RUBCNL: variants seen among roughly 807,000 people sequenced by gnomAD.
RUBCNL encodes rubicon like autophagy enhancer, also known as protein associated with UVRAG as autophagy enhancer.
RUBCNL carries 62 observed loss-of-function variants against 69.5 expected under a neutral mutation model. That is an observed-to-expected ratio of 0.89 (90% CI 0.73 to 1.10). The LOEUF (loss-of-function observed/expected upper bound fraction) is 1.10, where lower values mean the gene tolerates loss of function less well. Among genes scored for constraint, RUBCNL ranks in the 50% least tolerant of loss-of-function variants. The probability of loss-of-function intolerance (pLI) is 0.00; values close to 1 mark genes in which losing one functional copy is unlikely to be tolerated. For synonymous variants in RUBCNL, 291 were observed against 303.6 expected (o/e 0.96, Z 0.43); for missense variants, 768 against 798.1 (o/e 0.96, Z 0.45).
chr13:46,369,587 CT>C (rs1354503013), intron 3 of RUBCNL, among the ~76,000 whole-genome samples: 1 of 152,226 alleles, frequency 6.6e-6, no homozygotes. Flanking sequence ...AGTTAGTCTT[CT>C]TCCAGTCAAA....
At chr13:46,388,159 G>A (rs1384199026), upstream of RUBCNL, among the ~76,000 whole-genome samples, 4 of 137,476 alleles carry the variant, frequency 2.9e-5, no homozygotes, top group Non-Finnish European at 4.6e-5. Context: ...AGCCGAGATC[G>A]CGCCATTGCA....
At chr13:46,388,225 A>AAC (rs1566097933), upstream of RUBCNL, among the ~76,000 whole-genome samples, 6 of 142,584 alleles carry the variant, frequency 4.2e-5, no homozygotes, top group East Asian at 2.1e-4. Flanking sequence ...AAAAAACAGA[A>AAC]AGGAGAAGAA....
In RUBCNL at chr13:46,335,243, TTGTTG is replaced by T. The variant is rs58614871; in HGVS notation, c.*8137_*8141del. 2.4e-3 allele frequency among the ~76,000 whole-genome samples: 294 copies of T among 123,282 alleles called. 9 individuals are homozygous for T. Among genetic ancestry groups the T allele is most frequent in the East Asian group, 0.011 (49 of 4,420 alleles). The allele number at this position is 123,282 out of a possible 152,430, so 80.9% of individuals were successfully genotyped here. ...TTGTGCCCAGCTAATTTGTGTCTTT[TTGTTG>T]TTGTTGTTGTTGTTTTTTTTTTTTT... On this transcript the variant is annotated 3_prime_UTR_variant, in exon 15 of 15. Transcript: ENST00000429979.
intron 2 of RUBCNL, among the ~76,000 whole-genome samples, chr13:46,375,521 ACT>A (rs775492397): frequency 3.3e-5 from 5 of 152,112 alleles, no homozygotes; most frequent in Non-Finnish European, 7.3e-5. Context: ...CGACAGCGAG[ACT>A]CTGTCTCAAA....
Position 46,359,640 on chromosome 13 carries a change from G to A in RUBCNL, c.1120-9C>T, listed in dbSNP as rs890622235. ...CACTCTTCATTTACGACCTGCATAAGACATAAAATGATTTAGGAACAACTT... is the reference window on the plus strand; with the variant it reads ...CACTCTTCATTTACGACCTGCATAAAACATAAAATGATTTAGGAACAACTT... On this transcript the variant is annotated splice_polypyrimidine_tract_variant and intron_variant, in intron 8 of 14. Transcript: ENST00000429979. 8.4e-6 allele frequency: 13 copies of A among 1,550,614 alleles called. No homozygotes were observed. Among genetic ancestry groups the A allele is most frequent in the Non-Finnish European group, 1.1e-5 (13 of 1,144,944 alleles).
At chr13:46,368,317 G>T in intron 4 of RUBCNL, 68 bp from the exon 5 acceptor site, 1 of 1,496,578 alleles carries the variant, frequency 6.7e-7, no homozygotes. Context: ...TATTAGATTT[G>T]AAAAATCAAT....
chr13:46,386,293 C>T (rs539492195), intron 1 of RUBCNL, among the ~76,000 whole-genome samples: 1 of 152,278 alleles, frequency 6.6e-6, no homozygotes, highest in Admixed American at 6.5e-5. Flanking sequence ...CTTTAAGAAA[C>T]TGGGTCTAAG....
At chr13:46,373,339 C>CAT (rs2048920273) in intron 2 of RUBCNL, among the ~76,000 whole-genome samples, 1 of 152,166 alleles carries the variant, frequency 6.6e-6, no homozygotes, top group Non-Finnish European at 1.5e-5. Context: ...CAAAGTGGTA[C>CAT]ATAAAACAGA....
chr13:46,344,642 A>G (rs1326067112), intron 14 of RUBCNL, 99 bp downstream of exon 14: 1 of 755,916 alleles, frequency 1.3e-6, no homozygotes, highest in African/African-American at 1.8e-5. Flanking sequence ...TAAATTATTA[A>G]GCTATTATTC....
chr13:46,343,297 A>G lies in RUBCNL; in HGVS notation c.*88T>C, dbSNP rs753351541. On this transcript the variant is annotated 3_prime_UTR_variant, in exon 15 of 15. Transcript: ENST00000429979. ...CTTTTTCCTTAATATACAATACCCA[A>G]TATCTAAAACAATGTCACCAATAAT... The G allele has an allele frequency of 1.3e-6, 2 of 1,547,884 alleles. No individual in the cohort carries two copies. Among genetic ancestry groups the G allele is most frequent in the Non-Finnish European group, 1.8e-6 (2 of 1,141,310 alleles).
At position 46,359,520 on chromosome 13, in the gene RUBCNL, AT is replaced by A. The variant is rs754235127; in HGVS notation, c.1230del (p.Arg410SerfsTer32). The A allele has an allele frequency of 6.3e-7, 1 of 1,598,896 alleles. No individual in the cohort carries two copies. The highest frequency in any genetic ancestry group is 8.5e-7 in the Non-Finnish European group (1 of 1,172,160). ...GGATGAATATTAAATATGATTTGAA[AT>A]CTAGGAGGAGCCCAGTCTTCAGTCC... ...IRGTEDWAPPRFQIIFNIHPP... is the reference protein window; with the variant it reads ...IRGTEDWAPPXFQIIFNIHPP... On this transcript the variant is annotated frameshift_variant, in exon 9 of 15. Transcript: ENST00000429979. LOFTEE classifies it high-confidence loss of function.
At chr13:46,373,584 C>A (rs1170288454) in intron 2 of RUBCNL, among the ~76,000 whole-genome samples, 2 of 152,230 alleles carry the variant, frequency 1.3e-5, no homozygotes, top group Admixed American at 1.3e-4. Flanking sequence ...ACTGTAATTA[C>A]AGGCTCGGGA....
intron 2 of RUBCNL, 137 bp from the exon 3 acceptor site, chr13:46,372,734 A>G: frequency 1.7e-6 from 1 of 596,116 alleles, no homozygotes; most frequent in East Asian, 3.5e-5. Context: ...GCCCGCTTGG[A>G]TTTATAAGTG....
chr13:46,349,249 T>C lies in RUBCNL; in HGVS notation c.1631+37A>G, dbSNP rs1383245671. The C allele has an allele frequency of 8.2e-6, 13 of 1,590,944 alleles. No individual in the cohort carries two copies. The East Asian group carries it at 2.0e-4, about 25-fold the overall frequency. On this transcript the variant is annotated intron_variant, in intron 12 of 14. Coordinates refer to ENST00000429979, the MANE Select transcript of RUBCNL (RefSeq NM_025113.5). The stretch of plus-strand genomic sequence containing the variant: ...GGCACTAATAGGATTAGCAGATGTA[T>C]GGAGGGAAGGCAGCCTGTCCCAGCT...
intron 8 of RUBCNL, 57 bp from the exon 9 acceptor site, chr13:46,359,688 A>G (rs1021897391): frequency 4.9e-6 from 7 of 1,414,694 alleles, no homozygotes; most frequent in African/African-American, 1.4e-5. Context: ...AAGAATTTAA[A>G]TTAAAGAAAC....
chr13:46,350,364 C>A lies in RUBCNL; in HGVS notation c.1331-13G>T. 6.6e-7 allele frequency: 1 copy of A among 1,519,808 alleles called. No individual in the cohort carries two copies. Among genetic ancestry groups the A allele is most frequent in the Non-Finnish European group, 8.9e-7 (1 of 1,125,822 alleles). The allele number at this position is 1,519,808 out of a possible 1,614,324, so 94.1% of individuals were successfully genotyped here. A position where few individuals can be genotyped will look rare whatever the true frequency, so the allele number is the denominator to read the frequency against. On this transcript the variant is annotated splice_polypyrimidine_tract_variant and intron_variant, in intron 10 of 14. Transcript: ENST00000429979. ...CGCTTCACAAACTCTGCCAAGCATACCGGAGGGTGAGTGCCACACCTGGTG... is the reference window on the plus strand; with the variant it reads ...CGCTTCACAAACTCTGCCAAGCATAACGGAGGGTGAGTGCCACACCTGGTG...
intron 1 of RUBCNL, among the ~76,000 whole-genome samples, chr13:46,383,972 C>G (rs999645944): frequency 6.6e-6 from 1 of 152,152 alleles, no homozygotes; most frequent in African/African-American, 2.4e-5. Flanking sequence ...ATCTTGTGGA[C>G]TCAAATATCT....
Position 46,342,740 on chromosome 13 carries a change from C to T in RUBCNL, c.*645G>A, listed in dbSNP as rs1171246404. 6.6e-6 allele frequency: 1 copy of T among 152,300 alleles called. No homozygotes were observed. The highest frequency in any genetic ancestry group is 1.5e-5 in the Non-Finnish European group (1 of 68,116). 9.4% of individuals were successfully genotyped at this position (152,300 alleles called of 1,614,324 possible). ...ACAAATACAGGTTCAATTTGTGCCA[C>T]CTGAAAGAGTGCCATCTAGAAGCAG... On this transcript the variant is annotated 3_prime_UTR_variant, in exon 15 of 15. Transcript: ENST00000429979.
In RUBCNL at chr13:46,336,024, G is replaced by A. The variant is rs1335254776; in HGVS notation, c.*7361C>T. Among the ~76,000 whole-genome samples the A allele has an allele frequency of 6.6e-6, 1 of 152,198 alleles. No homozygotes were observed. The highest frequency in any genetic ancestry group is 2.4e-5 in the African/African-American group (1 of 41,448). Reference sequence around the variant, plus strand: ...TTTAGAGATGGACAGAGAAAGAAGAGGAAAACCTACAAAGGAGACCAAGAA... The same window carrying A: ...TTTAGAGATGGACAGAGAAAGAAGAAGAAAACCTACAAAGGAGACCAAGAA... On this transcript the variant is annotated 3_prime_UTR_variant, in exon 15 of 15. Coordinates refer to ENST00000429979, the MANE Select transcript of RUBCNL (RefSeq NM_025113.5).
Sources: allele counts gnomAD v4.1 joint callset (sites outside exome capture counted in the v4.1 genomes callset), GRCh38; gene constraint gnomAD v4.1.1; transcripts MANE v1.5; gene names NCBI Gene and HGNC (gene_info 2026-07-23, HGNC 2026-07-21).